The following PAQR5 variants were observed in gnomAD, a reference collection of about 807,000 sequenced individuals.
PAQR5 encodes the protein membrane progestin receptor gamma.
A neutral mutation model predicts 34.5 loss-of-function variants in PAQR5; 20 were observed. The ratio of observed to expected loss-of-function variants is 0.58; its 90% CI spans 0.41 to 0.84. The LOEUF is 0.84. Ranked by LOEUF, PAQR5 falls within the 40% of genes least tolerant of loss-of-function variation. The probability of loss-of-function intolerance (pLI) is 0.00; values close to 1 mark genes in which losing one functional copy is unlikely to be tolerated. For missense variants in PAQR5, 378 were observed against 412.7 expected, an observed-to-expected ratio of 0.92 and a Z score of 0.73; for synonymous variants, 131 against 155.6, an observed-to-expected ratio of 0.84 and a Z score of 1.18.
intron 2 of PAQR5, among the ~76,000 whole-genome samples, chr15:69,358,344 C>T (rs1411223121): frequency 6.6e-6 from 1 of 152,120 alleles, no homozygotes; most frequent in Admixed American, 6.5e-5. Context: ...TGGCATGGTT[C>T]TTTTGTGTGT....
chr15:69,351,399 G>A (rs1480152770), intron 2 of PAQR5, among the ~76,000 whole-genome samples: 1 of 152,226 alleles, frequency 6.6e-6, no homozygotes, highest in African/African-American at 2.4e-5. Context: ...TGCAGCTGCT[G>A]TACCAGATGT....
At chr15:69,303,475 G>A (rs1329428005) in intron 1 of PAQR5, among the ~76,000 whole-genome samples, 3 of 152,026 alleles carry the variant, frequency 2.0e-5, no homozygotes, top group Non-Finnish European at 4.4e-5. Flanking sequence ...GCTCTCCCAA[G>A]GCAGCCAATT....
chr15:69,305,505 G>A (rs1276878000), intron 1 of PAQR5, among the ~76,000 whole-genome samples: 2 of 152,204 alleles, frequency 1.3e-5, no homozygotes, highest in Non-Finnish European at 2.9e-5. Context: ...TACATAAGTC[G>A]GGGTGGGTGG....
rs190136925 is a variant in PAQR5, at chr15:69,384,900, C to T, written c.385+18C>T. 2.8e-5 allele frequency: 45 copies of T among 1,598,376 alleles called. No homozygotes were observed. In the Admixed American group the frequency reaches 5.5e-4, roughly 20 times the overall value. ...CAGCCTGGGTATGTGAGGCCTTGTT[C>T]TTGCTTTCCTTCCCCTGCAACCGGG... On this transcript the variant is annotated intron_variant, in intron 5 of 8. Transcript: ENST00000395407.
intron 2 of PAQR5, among the ~76,000 whole-genome samples, chr15:69,345,461 G>T (rs1298613802): frequency 6.6e-6 from 1 of 152,096 alleles, no homozygotes; most frequent in African/African-American, 2.4e-5. Flanking sequence ...GTTCTGTGTT[G>T]GGGGATCTTT....
At chr15:69,386,823 G>C (rs558265854) in intron 5 of PAQR5, among the ~76,000 whole-genome samples, 23 of 152,134 alleles carry the variant, frequency 1.5e-4, no homozygotes, top group South Asian at 4.2e-4. Flanking sequence ...CCACCTCAGA[G>C]CCATGAGACC....
At chr15:69,361,202 G>A (rs2055222684) in intron 3 of PAQR5, among the ~76,000 whole-genome samples, 1 of 152,220 alleles carries the variant, frequency 6.6e-6, no homozygotes, top group Non-Finnish European at 1.5e-5. Context: ...TACCCATAGA[G>A]CATTAGCAGC....
intron 3 of PAQR5, among the ~76,000 whole-genome samples, chr15:69,362,686 G>T (rs1183817039): frequency 6.6e-6 from 1 of 152,164 alleles, no homozygotes; most frequent in Non-Finnish European, 1.5e-5. Context: ...TAACCCAAGT[G>T]AAGTGCCTGG....
rs556070317 is a variant in PAQR5 at position 69,402,921 on chromosome 15, C to T, written c.752-660C>T. 5.2e-5 allele frequency among the ~76,000 whole-genome samples: 8 copies of T among 152,390 alleles called. No homozygotes were observed. In the South Asian group the frequency reaches 1.7e-3, roughly 32 times the overall value. On this transcript the variant is annotated intron_variant, in intron 8 of 8. Transcript: ENST00000395407. ...GTCACTCCCACTACCCTCTACTGGG[C>T]TCCCAGCCTCTGTGAAGGGCACCAT... is the stretch of plus-strand genomic sequence containing the variant.
intron 1 of PAQR5, among the ~76,000 whole-genome samples, chr15:69,306,693 G>T (rs961802195): frequency 6.6e-6 from 1 of 151,866 alleles, no homozygotes; most frequent in African/African-American, 2.4e-5. Context: ...GTGAGCCACC[G>T]CCCCCCGCCC....
chr15:69,344,235 T>C (rs772371185), intron 2 of PAQR5, among the ~76,000 whole-genome samples: 4 of 152,258 alleles, frequency 2.6e-5, no homozygotes, highest in African/African-American at 9.6e-5. Flanking sequence ...GCTGAACTTC[T>C]AGTTGTATTC....
chr15:69,391,994 T>C, intron 6 of PAQR5: 2 of 387,666 alleles, frequency 5.2e-6, no homozygotes, highest in Non-Finnish European at 1.0e-5. Flanking sequence ...GAGGCAGAGG[T>C]TGCAGTGAGC....
At chr15:69,318,004 C>T (rs536864265) in intron 1 of PAQR5, among the ~76,000 whole-genome samples, 16 of 152,342 alleles carry the variant, frequency 1.1e-4, no homozygotes, top group African/African-American at 1.9e-4. Context: ...ACCATCCTTG[C>T]GCAGGGTTTC....
chr15:69,403,715 G>C lies in PAQR5; in HGVS notation c.886G>C (p.Ala296Pro). ...TSKPFSFSQI[A>P]GAILLCIIFS... ...CAAGCCCTTCTCTTTCTCTCAGATA[G>C]CTGGAGCCATACTTCTGTGCATCAT... The change falls in exon 9 of 9, where the codon GCT becomes CCT. Residue 296 changes from alanine (A) to proline (P), a missense_variant. By Grantham distance (27) the Ala-to-Pro change is conservative. Coordinates refer to ENST00000395407, the MANE Select transcript of PAQR5 (RefSeq NM_017705.4). 1 of 1,614,142 alleles carries C rather than the reference G, an allele frequency of 6.2e-7. No homozygotes were observed. The highest frequency in any genetic ancestry group is 8.5e-7 in the Non-Finnish European group (1 of 1,180,028).
At chr15:69,403,253 T>C (rs1407591584) in intron 8 of PAQR5, among the ~76,000 whole-genome samples, 1 of 152,236 alleles carries the variant, frequency 6.6e-6, no homozygotes, top group African/African-American at 2.4e-5. Context: ...TTTATTAAGG[T>C]ATATTTCACA....
chr15:69,303,389 C>T (rs866069627), intron 1 of PAQR5, among the ~76,000 whole-genome samples: 4 of 152,272 alleles, frequency 2.6e-5, no homozygotes, highest in Middle Eastern at 6.8e-3. Flanking sequence ...ACAGCCGCCA[C>T]ATGAGGCGAT....
At chr15:69,310,058 CA>C (rs59422800) in intron 1 of PAQR5, among the ~76,000 whole-genome samples, 87,683 of 150,758 alleles carry the variant, frequency 0.58, 25,998 homozygotes, top group Admixed American at 0.65. Flanking sequence ...AAAAAAAAAA[CA>C]AAAAAAACAA....
intron 2 of PAQR5, among the ~76,000 whole-genome samples, chr15:69,343,437 A>G (rs565176561): frequency 6.6e-6 from 1 of 152,336 alleles, no homozygotes; most frequent in African/African-American, 2.4e-5. Context: ...ATAGAGGCAA[A>G]AAAAATGTAA....
chr15:69,402,558 C>T (rs1037649899), intron 8 of PAQR5, among the ~76,000 whole-genome samples: 1 of 152,160 alleles, frequency 6.6e-6, no homozygotes, highest in African/African-American at 2.4e-5. Flanking sequence ...CCTCGTGATC[C>T]ACCCGCCTCA....
Sources: allele counts gnomAD v4.1 joint callset (sites outside exome capture counted in the v4.1 genomes callset), GRCh38; gene constraint gnomAD v4.1.1; transcripts MANE v1.5; gene names NCBI Gene and HGNC (gene_info 2026-07-23, HGNC 2026-07-21).